Variants in ST18 observed in about 807,000 individuals in gnomAD.
ST18 encodes suppression of tumorigenicity 18 protein.
A neutral mutation model predicts 110.0 loss-of-function variants in ST18; 50 were observed. The ratio of observed to expected loss-of-function variants is 0.45; its 90% confidence interval spans 0.36 to 0.58. The LOEUF is 0.58. Ranked by LOEUF, ST18 falls within the 20% of genes least tolerant of loss-of-function variation. The pLI is 0.00. For missense variants in ST18, 1,306 were observed against 1,280.1 expected (o/e 1.02, Z -0.31); for synonymous variants, 461 against 452.4 (o/e 1.02, Z -0.24).
At chr8:52,338,685 A>T (rs985318957) in intron 2 of ST18, among the ~76,000 whole-genome samples, 1 of 151,924 alleles carries the variant, frequency 6.6e-6, no homozygotes, top group South Asian at 2.1e-4. Flanking sequence ...TGGCCTCCCA[A>T]AATGCTGGGA....
intron 2 of ST18, among the ~76,000 whole-genome samples, chr8:52,370,353 T>C (rs1176115058): frequency 6.6e-6 from 1 of 152,000 alleles, no homozygotes; most frequent in Non-Finnish European, 1.5e-5. Context: ...GGCAGGCACA[T>C]GTGTGCATGT....
At chr8:52,233,891 T>C (rs551525862) in intron 2 of ST18, among the ~76,000 whole-genome samples, 1 of 152,322 alleles carries the variant, frequency 6.6e-6, no homozygotes, top group South Asian at 2.1e-4. Context: ...GTGATGTGTG[T>C]ATACAATATT....
chr8:52,274,393 T>C (rs569541266), intron 2 of ST18, among the ~76,000 whole-genome samples: 1 of 152,284 alleles, frequency 6.6e-6, no homozygotes, highest in East Asian at 1.9e-4. Flanking sequence ...GAAATATATG[T>C]ATATATGTAA....
At chr8:52,115,475 T>C (rs2042196615) in intron 25 of ST18, among the ~76,000 whole-genome samples, 1 of 152,230 alleles carries the variant, frequency 6.6e-6, no homozygotes, top group South Asian at 2.1e-4. Flanking sequence ...AGCATGTTTT[T>C]ATGGTTTAGA....
intron 2 of ST18, among the ~76,000 whole-genome samples, chr8:52,262,626 T>C (rs1358434862): frequency 1.3e-5 from 2 of 152,252 alleles, no homozygotes; most frequent in Non-Finnish European, 2.9e-5. Flanking sequence ...TGTGTCGTTG[T>C]ACATTTTTTC....
chr8:52,279,069 T>A (rs2095326719), intron 2 of ST18, among the ~76,000 whole-genome samples: 1 of 152,046 alleles, frequency 6.6e-6, no homozygotes, highest in Non-Finnish European at 1.5e-5. Context: ...TGAGGGACAG[T>A]AAACAGAAGA....
intron 2 of ST18, among the ~76,000 whole-genome samples, chr8:52,231,214 C>T (rs974407328): frequency 1.3e-5 from 2 of 152,164 alleles, no homozygotes; most frequent in Non-Finnish European, 2.9e-5. Context: ...TATAATGGCT[C>T]TGCTTTCCAT....
chr8:52,184,879 C>T (rs2071383897), intron 8 of ST18, among the ~76,000 whole-genome samples: 1 of 152,104 alleles, frequency 6.6e-6, no homozygotes. Flanking sequence ...GCAGGTATTC[C>T]TACTGATTTC....
intron 2 of ST18, among the ~76,000 whole-genome samples, chr8:52,383,240 C>T (rs893403196): frequency 6.6e-6 from 1 of 152,102 alleles, no homozygotes; most frequent in Admixed American, 6.5e-5. Flanking sequence ...TGCCTTACTG[C>T]TAGTCATTTA....
chr8:52,276,111 ACCGC>A (rs2095239586), intron 2 of ST18, among the ~76,000 whole-genome samples: 1 of 52,174 alleles, frequency 1.9e-5, no homozygotes, highest in Non-Finnish European at 4.0e-5. Flanking sequence ...TGAAACACAC[ACCGC>A]ACCTATCACA....
At chr8:52,388,821 G>A (rs536392782) in intron 2 of ST18, among the ~76,000 whole-genome samples, 4 of 127,042 alleles carry the variant, frequency 3.1e-5, no homozygotes, top group Non-Finnish European at 3.3e-5. Flanking sequence ...GTTGTGGGGT[G>A]GGGGGAGGGG....
At chr8:52,265,703 G>A (rs942019444) in intron 2 of ST18, among the ~76,000 whole-genome samples, 39 of 152,200 alleles carry the variant, frequency 2.6e-4, no homozygotes, top group African/African-American at 8.7e-4. Context: ...TGAAAGAAAT[G>A]TCCTGGTGGG....
At chr8:52,119,651 T>A (rs1222044221) in intron 23 of ST18, among the ~76,000 whole-genome samples, 1 of 152,136 alleles carries the variant, frequency 6.6e-6, no homozygotes, top group African/African-American at 2.4e-5. Flanking sequence ...GCATAAGGTG[T>A]ACACAGCAGT....
chr8:52,269,985 A>C (rs2095018582), intron 2 of ST18, among the ~76,000 whole-genome samples: 1 of 151,404 alleles, frequency 6.6e-6, no homozygotes, highest in Non-Finnish European at 1.5e-5. Context: ...ACTTGTGTTA[A>C]TCATGGCAAA....
chr8:52,317,608 G>T (rs950057943), intron 2 of ST18, among the ~76,000 whole-genome samples: 1 of 152,144 alleles, frequency 6.6e-6, no homozygotes, highest in Admixed American at 6.5e-5. Flanking sequence ...GTCATGGTGT[G>T]TTTATCTACT....
intron 13 of ST18, among the ~76,000 whole-genome samples, chr8:52,163,034 CA>C (rs1336110312): frequency 1.3e-5 from 2 of 152,088 alleles, no homozygotes; most frequent in Non-Finnish European, 2.9e-5. Context: ...AAGAAATGAG[CA>C]AAATGAAATT....
intron 2 of ST18, among the ~76,000 whole-genome samples, chr8:52,276,145 G>GCAAGCCA (rs1564392943): frequency 0.038 from 467 of 12,346 alleles, no homozygotes; most frequent in Non-Finnish European, 0.038. Context: ...CACACCACAT[G>GCAAGCCA]CACACCACGC....
chr8:52,311,704 G>T (rs2095913842), intron 2 of ST18, among the ~76,000 whole-genome samples: 1 of 152,172 alleles, frequency 6.6e-6, no homozygotes, highest in African/African-American at 2.4e-5. Flanking sequence ...AGGAAGAATT[G>T]TCAAACATAT....
chr8:52,200,587 G>T (rs1183340989), intron 8 of ST18, among the ~76,000 whole-genome samples: 1 of 152,216 alleles, frequency 6.6e-6, no homozygotes. Flanking sequence ...GCTTCTGACT[G>T]TCTCGTGGAG....
Sources: gnomAD v4.1 joint callset for allele counts (sites outside exome capture counted in the v4.1 genomes callset) on GRCh38, gnomAD v4.1.1 for gene constraint, MANE v1.5 for transcripts, NCBI Gene and HGNC (gene_info 2026-07-23, HGNC 2026-07-21) for gene names.